DENND1B: variants seen among roughly 807,000 people sequenced by gnomAD.
The protein encoded by DENND1B is DENN domain-containing protein 1B.
In DENND1B, 59 loss-of-function variants were observed where a neutral mutation model predicts 90.1. The observed-to-expected ratio is 0.65, with a 90% confidence interval of 0.53 to 0.81. DENND1B has a LOEUF of 0.81. Ranked by LOEUF, DENND1B falls within the 40% of genes least tolerant of loss-of-function variation. DENND1B has a pLI of 0.00. For missense variants in DENND1B, 862 were observed against 912.6 expected, an observed-to-expected ratio of 0.94 and a Z score of 0.71; for synonymous variants, 337 against 324.6, an observed-to-expected ratio of 1.04 and a Z score of -0.41.
chr1:197,558,331 A>G (rs1671878472), intron 15 of DENND1B, among the ~76,000 whole-genome samples: 1 of 7,112 alleles, frequency 1.4e-4, no homozygotes, highest in African/African-American at 3.9e-4. Flanking sequence ...AATTATAAAT[A>G]GATAAAATTG....
At chr1:197,704,292 A>G (rs915286881) in intron 3 of DENND1B, among the ~76,000 whole-genome samples, 31 of 152,092 alleles carry the variant, frequency 2.0e-4, no homozygotes, top group African/African-American at 7.5e-4. Context: ...TTTTCATGCA[A>G]TCTCTTTTTT....
intron 7 of DENND1B, among the ~76,000 whole-genome samples, chr1:197,648,092 C>T (rs1378991034): frequency 2.6e-5 from 4 of 152,030 alleles, no homozygotes; most frequent in Non-Finnish European, 5.9e-5. Context: ...CACTCAAATT[C>T]CTTTGACAAG....
chr1:197,700,233 A>G (rs1658887418), intron 3 of DENND1B, among the ~76,000 whole-genome samples: 1 of 152,214 alleles, frequency 6.6e-6, no homozygotes, highest in Non-Finnish European at 1.5e-5. Flanking sequence ...ACAAGGCTAC[A>G]GTAACCAAAA....
At chr1:197,750,967 A>G (rs1334367711) in intron 2 of DENND1B, among the ~76,000 whole-genome samples, 2 of 152,202 alleles carry the variant, frequency 1.3e-5, no homozygotes, top group East Asian at 3.8e-4. Flanking sequence ...GCACTAAAGG[A>G]GGGAACCAAG....
intron 10 of DENND1B, among the ~76,000 whole-genome samples, chr1:197,622,931 T>C (rs1383898231): frequency 1.3e-5 from 2 of 151,354 alleles, no homozygotes; most frequent in East Asian, 1.9e-4. Flanking sequence ...CAGATTCCCA[T>C]GGACACAGCA....
chr1:197,732,824 G>C (rs1662270332), intron 2 of DENND1B, among the ~76,000 whole-genome samples: 1 of 152,076 alleles, frequency 6.6e-6, no homozygotes, highest in Admixed American at 6.6e-5. Context: ...CTACATTCTT[G>C]GTATTGACAA....
intron 9 of DENND1B, among the ~76,000 whole-genome samples, chr1:197,643,836 T>C (rs967056020): frequency 2.0e-5 from 3 of 152,224 alleles, no homozygotes; most frequent in Admixed American, 2.0e-4. Flanking sequence ...TCCTTTCTTA[T>C]TATTTATTTT....
intron 16 of DENND1B, among the ~76,000 whole-genome samples, chr1:197,550,966 G>A (rs751918321): frequency 4.0e-5 from 6 of 151,842 alleles, no homozygotes; most frequent in Non-Finnish European, 7.4e-5. Context: ...AGTTAGATCA[G>A]TTTACTTCTT....
chr1:197,630,934 C>T (rs555865503), intron 10 of DENND1B, among the ~76,000 whole-genome samples: 26 of 152,228 alleles, frequency 1.7e-4, no homozygotes, highest in Admixed American at 1.6e-3. Flanking sequence ...CTGTACTCAC[C>T]TCGTCACAAC....
chr1:197,776,269 A>G (rs1278229347), upstream of DENND1B, among the ~76,000 whole-genome samples: 2 of 152,178 alleles, frequency 1.3e-5, no homozygotes, highest in Admixed American at 1.3e-4. Flanking sequence ...TTTCATCAGC[A>G]TTTTACAGAT....
chr1:197,559,672 T>C (rs760513560), intron 15 of DENND1B, among the ~76,000 whole-genome samples: 15 of 151,910 alleles, frequency 9.9e-5, no homozygotes, highest in Non-Finnish European at 2.2e-4. Context: ...AACTAATTTC[T>C]TATGAATCTT....
intron 2 of DENND1B, among the ~76,000 whole-genome samples, chr1:197,728,293 C>T (rs565259737): frequency 1.1e-3 from 174 of 152,268 alleles, no homozygotes; most frequent in Middle Eastern, 3.4e-3. Flanking sequence ...TTTTAAAAAC[C>T]TTCTGCCATT....
At chr1:197,624,254 C>T (rs192226523) in intron 10 of DENND1B, among the ~76,000 whole-genome samples, 3 of 151,590 alleles carry the variant, frequency 2.0e-5, no homozygotes, top group Admixed American at 2.0e-4. Flanking sequence ...AGAGAGCCCA[C>T]AAATAGACCC....
At chr1:197,614,982 G>A (rs1315596626) in intron 11 of DENND1B, among the ~76,000 whole-genome samples, 1 of 150,938 alleles carries the variant, frequency 6.6e-6, no homozygotes, top group African/African-American at 2.4e-5. Flanking sequence ...TGGCTGATTA[G>A]GGGAAAATGC....
At chr1:197,739,535 G>A (rs1010921034) in intron 2 of DENND1B, among the ~76,000 whole-genome samples, 3 of 151,802 alleles carry the variant, frequency 2.0e-5, no homozygotes, top group African/African-American at 4.8e-5. Flanking sequence ...ATAACCCAAC[G>A]GTCAAAGAAG....
At chr1:197,753,288 A>G (rs961360503) in intron 2 of DENND1B, among the ~76,000 whole-genome samples, 1 of 152,176 alleles carries the variant, frequency 6.6e-6, no homozygotes, top group African/African-American at 2.4e-5. Flanking sequence ...TAATTAATCG[A>G]AATATAAAGT....
chr1:197,529,187 TG>T (rs1363543737), intron 20 of DENND1B, among the ~76,000 whole-genome samples: 4 of 140,554 alleles, frequency 2.8e-5, no homozygotes, highest in African/African-American at 1.1e-4. Flanking sequence ...TTTCCCGACA[TG>T]AAATAGTTAA....
At chr1:197,769,071 C>T (rs144720467) in intron 2 of DENND1B, among the ~76,000 whole-genome samples, 1 of 152,206 alleles carries the variant, frequency 6.6e-6, no homozygotes, top group East Asian at 1.9e-4. Flanking sequence ...TTAGACTTAC[C>T]TATGAAAAAT....
At chr1:197,766,986 G>A (rs1655780965) in intron 2 of DENND1B, among the ~76,000 whole-genome samples, 1 of 151,798 alleles carries the variant, frequency 6.6e-6, no homozygotes, top group South Asian at 2.1e-4. Context: ...TAGAGACAGG[G>A]ATTCACTATG....
Sources: allele counts gnomAD v4.1 joint callset (sites outside exome capture counted in the v4.1 genomes callset), GRCh38; gene constraint gnomAD v4.1.1; transcripts MANE v1.5; gene names NCBI Gene and HGNC (gene_info 2026-07-23, HGNC 2026-07-21).